DPP10: variants seen among roughly 807,000 people sequenced by gnomAD.
The protein encoded by DPP10 is dipeptidyl peptidase like 10.
Under a neutral mutation model 120.9 loss-of-function variants are expected in DPP10, and 33 were observed. The observed-to-expected ratio is 0.27, with a 90% CI of 0.21 to 0.37. The LOEUF (loss-of-function observed/expected upper bound fraction) is 0.37. DPP10 is among the 10% of genes least tolerant of loss of function. The pLI is 1.00. For synonymous variants in DPP10, 337 were observed against 326.1 expected, an observed-to-expected ratio of 1.03 and a Z score of -0.36; for missense variants, 816 against 942.8, an observed-to-expected ratio of 0.87 and a Z score of 1.76.
intron 21 of DPP10, among the ~76,000 whole-genome samples, chr2:115,816,622 T>TTG (rs199813291): frequency 0.011 from 1,545 of 136,622 alleles, 17 homozygotes; most frequent in Non-Finnish European, 0.019. Flanking sequence ...TTGTTTTGTT[T>TTG]TTTTTTTTTT....
At chr2:115,394,805 T>C (rs112512300) in intron 3 of DPP10, among the ~76,000 whole-genome samples, 2 of 152,182 alleles carry the variant, frequency 1.3e-5, no homozygotes, top group African/African-American at 4.8e-5. Context: ...GTGGGTTTTT[T>C]TTAATAGTAC....
rs567005171 is a variant in DPP10 at position 115,672,953 on chromosome 2, T to G, written c.442-16734T>G. ...TAGTAGAGACTGGGTTGCACCACGC[T>G]GGCCAGGCTGGTCTCAAACTCCTGA... is the stretch of plus-strand genomic sequence containing the variant. On this transcript the variant is annotated intron_variant, in intron 5 of 25. Transcript: ENST00000410059. 2.6e-4 allele frequency among the ~76,000 whole-genome samples: 40 copies of G among 152,142 alleles called. 1 individual carries two copies. The highest frequency in any genetic ancestry group is 9.4e-4 in the African/African-American group (39 of 41,502).
At chr2:115,467,752 T>G (rs1437888647) in intron 3 of DPP10, among the ~76,000 whole-genome samples, 7 of 152,184 alleles carry the variant, frequency 4.6e-5, no homozygotes, top group African/African-American at 1.7e-4. Flanking sequence ...CTTGAAGTGT[T>G]GACTTTTGAC....
At chr2:115,493,127 T>C (rs2076212013) in intron 3 of DPP10, among the ~76,000 whole-genome samples, 1 of 151,996 alleles carries the variant, frequency 6.6e-6, no homozygotes, top group South Asian at 2.1e-4. Context: ...GCCACAGGTC[T>C]TTGAGGAGTG....
At chr2:115,655,705 A>G (rs1037298430) in intron 5 of DPP10, among the ~76,000 whole-genome samples, 5 of 151,654 alleles carry the variant, frequency 3.3e-5, no homozygotes, top group Non-Finnish European at 7.4e-5. Flanking sequence ...TGGAGAATTA[A>G]TAAATAGAAT....
At chr2:115,562,614 T>G (rs1039078181) in intron 5 of DPP10, among the ~76,000 whole-genome samples, 3 of 152,224 alleles carry the variant, frequency 2.0e-5, no homozygotes, top group African/African-American at 7.2e-5. Context: ...ATCACTTTCT[T>G]GCAAACAACC....
intron 1 of DPP10, among the ~76,000 whole-genome samples, chr2:114,772,780 A>AT (rs1681387414): frequency 6.6e-6 from 1 of 151,482 alleles, no homozygotes; most frequent in South Asian, 2.1e-4. Flanking sequence ...TCCTTTCATG[A>AT]TTTTTTTAAG....
At chr2:114,871,625 T>C (rs1690696282) in intron 1 of DPP10, among the ~76,000 whole-genome samples, 1 of 152,180 alleles carries the variant, frequency 6.6e-6, no homozygotes, top group Non-Finnish European at 1.5e-5. Flanking sequence ...CTTATTTTTA[T>C]TTTTTTAAAA....
chr2:115,176,786 A>C (rs947877695), intron 1 of DPP10, among the ~76,000 whole-genome samples: 5 of 152,178 alleles, frequency 3.3e-5, no homozygotes, highest in Non-Finnish European at 5.9e-5. Flanking sequence ...TTACGACCAC[A>C]TAACTTGTAG....
intron 1 of DPP10, among the ~76,000 whole-genome samples, chr2:115,132,604 T>C (rs757401989): frequency 1.3e-5 from 2 of 152,186 alleles, no homozygotes; most frequent in Non-Finnish European, 2.9e-5. Context: ...ATCTCTGTTT[T>C]AACTTTAATG....
intron 1 of DPP10, among the ~76,000 whole-genome samples, chr2:114,462,737 AT>A (rs1400706466): frequency 1.3e-5 from 2 of 152,182 alleles, no homozygotes; most frequent in East Asian, 3.9e-4. Flanking sequence ...TCTGGCAGCA[AT>A]AGTTGGCACC....
chr2:115,800,179 T>A (rs1311891413), intron 19 of DPP10, among the ~76,000 whole-genome samples: 1 of 151,918 alleles, frequency 6.6e-6, no homozygotes, highest in East Asian at 1.9e-4. Flanking sequence ...ATTGCTCTGA[T>A]GGCCAGTGAT....
At chr2:115,545,970 C>T (rs11687863) in intron 5 of DPP10, among the ~76,000 whole-genome samples, 66,960 of 151,912 alleles carry the variant, frequency 0.44, 18,222 homozygotes, top group Non-Finnish European at 0.62. Context: ...GCTTTTCCAA[C>T]GCATTCTTGA....
At chr2:114,974,143 G>T (rs936262037) in intron 1 of DPP10, among the ~76,000 whole-genome samples, 1 of 152,142 alleles carries the variant, frequency 6.6e-6, no homozygotes, top group African/African-American at 2.4e-5. Context: ...TGTTTGTAAA[G>T]CTTACAGCAG....
At chr2:115,628,954 A>C (rs2085601125) in intron 5 of DPP10, among the ~76,000 whole-genome samples, 1 of 151,954 alleles carries the variant, frequency 6.6e-6, no homozygotes, top group Admixed American at 6.6e-5. Flanking sequence ...TCCTAATGCT[A>C]TCCTTCCCCC....
At chr2:115,587,089 C>CTTTTTTTTTTTTT (rs756810925) in intron 5 of DPP10, among the ~76,000 whole-genome samples, 13 of 103,912 alleles carry the variant, frequency 1.3e-4, no homozygotes, top group East Asian at 3.2e-4. Context: ...TTTTCTCTTT[C>CTTTTTTTTTTTTT]TTTTTTTTTT....
chr2:114,639,962 A>T (rs1177515552), intron 1 of DPP10, among the ~76,000 whole-genome samples: 1 of 151,588 alleles, frequency 6.6e-6, no homozygotes. Flanking sequence ...ATTTTCTTTG[A>T]TTTTTTTTGT....
intron 1 of DPP10, among the ~76,000 whole-genome samples, chr2:114,719,097 T>G (rs1701539958): frequency 6.6e-6 from 1 of 152,240 alleles, no homozygotes; most frequent in African/African-American, 2.4e-5. Context: ...ATTCCCATGT[T>G]TGCCTGATTC....
intron 2 of DPP10, among the ~76,000 whole-genome samples, chr2:115,331,666 A>C (rs534076327): frequency 6.6e-6 from 1 of 152,308 alleles, no homozygotes; most frequent in East Asian, 1.9e-4. Flanking sequence ...CCTTTTCTGC[A>C]TCTATTGAGA....
Sources: allele counts gnomAD v4.1 joint callset (sites outside exome capture counted in the v4.1 genomes callset), GRCh38; gene constraint gnomAD v4.1.1; transcripts MANE v1.5; gene names NCBI Gene and HGNC (gene_info 2026-07-23, HGNC 2026-07-21).